The following NEK11 variants were observed in gnomAD, a reference collection of about 807,000 sequenced individuals.
The protein encoded by NEK11 is serine/threonine-protein kinase Nek11.
A neutral mutation model predicts 80.7 loss-of-function variants in NEK11; 72 were observed. That is an observed-to-expected ratio of 0.89 (90% CI 0.74 to 1.08). The LOEUF (loss-of-function observed/expected upper bound fraction) is 1.08. Among genes scored for constraint, NEK11 ranks in the 50% least tolerant of loss-of-function variants. The pLI, the probability that NEK11 is intolerant of heterozygous loss-of-function variation, is 0.00. For synonymous variants in NEK11, 251 were observed against 260.7 expected (o/e 0.96, Z 0.36); for missense variants, 764 against 763.6 (o/e 1.00, Z -0.01).
chr3:131,220,458 C>A (rs2094982896), intron 14 of NEK11, among the ~76,000 whole-genome samples: 1 of 152,060 alleles, frequency 6.6e-6, no homozygotes, highest in Non-Finnish European at 1.5e-5. Flanking sequence ...TAACTGTAAT[C>A]ATTCTAAGCA....
chr3:131,261,753 G>T (rs897596583), intron 16 of NEK11, among the ~76,000 whole-genome samples: 1 of 152,058 alleles, frequency 6.6e-6, no homozygotes, highest in Admixed American at 6.6e-5. Context: ...TACTACTAGG[G>T]ATCATCTGTA....
At chr3:131,042,917 C>A (rs1465024193) in intron 3 of NEK11, among the ~76,000 whole-genome samples, 2 of 152,174 alleles carry the variant, frequency 1.3e-5, no homozygotes, top group African/African-American at 2.4e-5. Context: ...GAGGAAGGAA[C>A]AGGCAGCAAT....
chr3:131,297,690 G>A (rs1011676845), intron 17 of NEK11, among the ~76,000 whole-genome samples: 5 of 151,608 alleles, frequency 3.3e-5, no homozygotes, highest in African/African-American at 9.7e-5. Context: ...TGTCAATTTT[G>A]GCTTTTGTTG....
intron 7 of NEK11, among the ~76,000 whole-genome samples, chr3:131,142,032 A>G (rs2087022789): frequency 6.6e-6 from 1 of 152,218 alleles, no homozygotes; most frequent in South Asian, 2.1e-4. Context: ...TGAGGACTAC[A>G]GATTAACTGA....
At position 131,333,967 on chromosome 3, in the gene NEK11, G is replaced by T. The variant is rs566734857; in HGVS notation, c.1719-15590G>T. Reference sequence around the variant, plus strand: ...ATACAGGAGCACCCAGATTCATAAAGCAAGTCCTGAGTGACCTACAGAGAG... The same window carrying T: ...ATACAGGAGCACCCAGATTCATAAATCAAGTCCTGAGTGACCTACAGAGAG... On this transcript the variant is annotated intron_variant, in intron 17 of 17. Coordinates refer to ENST00000383366, the MANE Select transcript of NEK11 (RefSeq NM_024800.5). Among the ~76,000 whole-genome samples the T allele has an allele frequency of 9.2e-5, 14 of 152,240 alleles. No individual in the cohort carries two copies. The South Asian group carries it at 2.9e-3, about 32-fold the overall frequency.
intron 15 of NEK11, among the ~76,000 whole-genome samples, chr3:131,241,966 A>C (rs940142208): frequency 6.6e-6 from 1 of 152,088 alleles, no homozygotes; most frequent in Non-Finnish European, 1.5e-5. Flanking sequence ...ATTATTTTCA[A>C]TATTTGTATT....
intron 5 of NEK11, among the ~76,000 whole-genome samples, chr3:131,118,018 G>T (rs1459648129): frequency 6.6e-6 from 1 of 152,160 alleles, no homozygotes; most frequent in Non-Finnish European, 1.5e-5. Context: ...ATGTTGAATA[G>T]GAGTGGTGAG....
At chr3:131,097,328 T>C (rs1314416052) in intron 4 of NEK11, among the ~76,000 whole-genome samples, 1 of 151,756 alleles carries the variant, frequency 6.6e-6, no homozygotes, top group African/African-American at 2.4e-5. Flanking sequence ...CCACAATGGT[T>C]GAACTAGTTT....
intron 5 of NEK11, among the ~76,000 whole-genome samples, chr3:131,120,046 G>A (rs6764218): frequency 0.18 from 28,044 of 152,090 alleles, 2,681 homozygotes; most frequent in Middle Eastern, 0.22. Context: ...TATTTTGCTC[G>A]TTAGTTGATG....
At chr3:131,190,492 T>C (rs2093753927) in intron 14 of NEK11, among the ~76,000 whole-genome samples, 1 of 152,132 alleles carries the variant, frequency 6.6e-6, no homozygotes, top group Non-Finnish European at 1.5e-5. Flanking sequence ...TTCCCCCTTC[T>C]TGTTCCCTTC....
intron 17 of NEK11, among the ~76,000 whole-genome samples, chr3:131,300,017 T>A (rs1272596859): frequency 6.6e-6 from 1 of 152,260 alleles, no homozygotes; most frequent in Non-Finnish European, 1.5e-5. Context: ...CATTCCCTTT[T>A]CTCTGCATCA....
chr3:131,098,317 A>T (rs1053814311), intron 4 of NEK11, among the ~76,000 whole-genome samples: 3 of 152,236 alleles, frequency 2.0e-5, no homozygotes, highest in Non-Finnish European at 4.4e-5. Flanking sequence ...TATCTAATTG[A>T]ACTAAAGAGT....
chr3:131,043,663 G>T (rs969966448), intron 3 of NEK11, among the ~76,000 whole-genome samples: 3 of 152,190 alleles, frequency 2.0e-5, no homozygotes, highest in Non-Finnish European at 4.4e-5. Flanking sequence ...GGGACGGGGA[G>T]AATGGAACCA....
chr3:131,138,450 G>A (rs931503840), intron 7 of NEK11, among the ~76,000 whole-genome samples: 4 of 152,200 alleles, frequency 2.6e-5, no homozygotes, highest in African/African-American at 9.6e-5. Flanking sequence ...GGCTCTGGGA[G>A]AGCATCTCTG....
At chr3:131,060,465 A>C (rs890467841) in intron 3 of NEK11, among the ~76,000 whole-genome samples, 3 of 152,234 alleles carry the variant, frequency 2.0e-5, no homozygotes, top group African/African-American at 7.2e-5. Context: ...TGATGGATTA[A>C]GTATAGGTGT....
intron 17 of NEK11, among the ~76,000 whole-genome samples, chr3:131,339,872 T>C (rs1356956502): frequency 1.3e-5 from 2 of 152,070 alleles, no homozygotes; most frequent in Non-Finnish European, 2.9e-5. Context: ...CCCAAGATAA[T>C]GAAAGACACT....
At chr3:131,272,884 T>C (rs185307120) in intron 16 of NEK11, among the ~76,000 whole-genome samples, 4 of 152,202 alleles carry the variant, frequency 2.6e-5, no homozygotes, top group Non-Finnish European at 5.9e-5. Context: ...CATTAAAAAC[T>C]GTAGCTCTCT....
At chr3:131,190,902 G>A (rs1250306613) in intron 14 of NEK11, among the ~76,000 whole-genome samples, 1 of 152,084 alleles carries the variant, frequency 6.6e-6, no homozygotes, top group Non-Finnish European at 1.5e-5. Context: ...GGTATGGAAA[G>A]GTGAGTTGGA....
chr3:131,214,254 T>C (rs1052415859), intron 14 of NEK11, among the ~76,000 whole-genome samples: 2 of 152,216 alleles, frequency 1.3e-5, no homozygotes, highest in Non-Finnish European at 2.9e-5. Context: ...TAACCTGAAA[T>C]CATTCAGTTC....
Sources: gnomAD v4.1 joint callset for allele counts (sites outside exome capture counted in the v4.1 genomes callset) on GRCh38, gnomAD v4.1.1 for gene constraint, MANE v1.5 for transcripts, NCBI Gene and HGNC (gene_info 2026-07-23, HGNC 2026-07-21) for gene names.